The following MAP3K10 variants were observed in gnomAD, a reference collection of about 807,000 sequenced individuals.
The protein encoded by MAP3K10 is mitogen-activated protein kinase kinase kinase 10, also known as MKN28 derived nonreceptor_type serine/threonine kinase.
In MAP3K10, 22 loss-of-function variants were observed where a neutral mutation model predicts 75.0. The ratio of observed to expected loss-of-function variants is 0.29; its 90% CI spans 0.21 to 0.42. MAP3K10 has a LOEUF of 0.42. MAP3K10 is among the 10% of genes least tolerant of loss of function. The pLI, the probability that MAP3K10 is intolerant of heterozygous loss-of-function variation, is 1.00. For synonymous variants in MAP3K10, 599 were observed against 612.9 expected (o/e 0.98, Z 0.34); for missense variants, 1,165 against 1,379.8 (o/e 0.84, Z 2.47).
At position 40,192,045 on chromosome 19, in the gene MAP3K10, A is replaced by AG; in HGVS notation, c.19dup (p.Ala7GlyfsTer126). 1 of 1,437,336 alleles carries AG rather than the reference A, an allele frequency of 7.0e-7. No homozygotes were observed. The allele number at this position is 1,437,336 out of a possible 1,614,324, so 89.0% of individuals were successfully genotyped here. On this transcript the variant is annotated frameshift_variant, in exon 1 of 10. Transcript: ENST00000253055. LOFTEE classifies it high-confidence loss of function. The surrounding 1 kb of genome is among the most constrained non-coding windows in gnomAD (Gnocchi z 7.1). ...GGCCCCTCCCCCATGGAGGAGGAGG[A>AG]GGGGGCGGTGGCCAAGGAGTGGGGC...
chr19:40,195,854 C>T (rs754346172), intron 1 of MAP3K10, among the ~76,000 whole-genome samples: 4 of 152,146 alleles, frequency 2.6e-5, no homozygotes, highest in Non-Finnish European at 5.9e-5. Context: ...GGTGATTTGC[C>T]AATCTCTGCC....
chr19:40,192,036 A>C lies in MAP3K10; in HGVS notation c.5A>C (p.Glu2Ala). M[E>A]EEEGAVAKEW... ...GCAGCCCCCGGCCCCTCCCCCATGG[A>C]GGAGGAGGAGGGGGCGGTGGCCAAG... Residue 2 changes from glutamate to alanine, a missense_variant, in exon 1 of 10, where the codon GAG (glutamate) becomes GCG (alanine). Glu to Ala is a moderately radical substitution (Grantham distance 107). Transcript: ENST00000253055. The surrounding 1 kb of genome is among the most constrained non-coding windows in gnomAD (Gnocchi z 7.1). 7.3e-7 allele frequency: 1 copy of C among 1,376,874 alleles called. No homozygotes were observed. Among genetic ancestry groups the C allele is most frequent in the Non-Finnish European group, 9.5e-7 (1 of 1,055,436 alleles). 85.3% of individuals were successfully genotyped at this position (1,376,874 alleles called of 1,614,324 possible).
Position 40,205,947 on chromosome 19 carries a change from G to A in MAP3K10, c.1225G>A (p.Ala409Thr). ...RSREEELLRA[A>T]QEQRFQEEQL... The stretch of plus-strand genomic sequence containing the variant: ...CCGTGAGGAGGAGCTGCTGCGGGCG[G>A]CACAGGAGCAGCGCTTCCAGGAGGA... The change falls in exon 5 of 10, where the codon GCA becomes ACA. Residue 409 changes from alanine to threonine, a missense_variant. This residue lies in a region of MAP3K10 where 575 missense variants were observed against 793.2 expected (regional missense o/e 0.72). Transcript: ENST00000253055. This position sits in a 1 kb window ranked among gnomAD's most constrained non-coding sequence, Gnocchi z 4.3. 6.3e-7 allele frequency: 1 copy of A among 1,598,178 alleles called. No individual in the cohort carries two copies.
In MAP3K10 at chr19:40,213,738, C is replaced by T; in HGVS notation, c.2059C>T (p.Leu687=). 9.2e-7 allele frequency: 1 copy of T among 1,082,114 alleles called. No individual in the cohort carries two copies. Among genetic ancestry groups the T allele is most frequent in the Non-Finnish European group, 1.1e-6 (1 of 891,008 alleles). 67.0% of individuals were successfully genotyped at this position (1,082,114 alleles called of 1,614,324 possible). ...CGCCACGCTGCTGGGGGCTGTGGGC[C>T]TGGGCGCCGACGTGGCCGAGGCGCG... is the stretch of plus-strand genomic sequence containing the variant. The part of the protein sequence containing the change: ...GCATLLGAVG[L]GADVAEARAA... The change falls in exon 9 of 10, where the codon CTG becomes TTG. Residue 687 remains leucine (L), a synonymous_variant. Transcript: ENST00000253055. This position sits in a 1 kb window ranked among gnomAD's most constrained non-coding sequence, Gnocchi z 5.7.
chr19:40,192,725 C>T lies in MAP3K10; in HGVS notation c.682+12C>T. Reference sequence around the variant, plus strand: ...CAAGTCCATCAACAGTAAGTGGTGTCCTCTCCCCAAAATTCCTTCCACAGA... The same window carrying T: ...CAAGTCCATCAACAGTAAGTGGTGTTCTCTCCCCAAAATTCCTTCCACAGA... On this transcript the variant is annotated intron_variant, in intron 1 of 9. Coordinates refer to ENST00000253055, the MANE Select transcript of MAP3K10 (RefSeq NM_002446.4). The surrounding 1 kb of genome is among the most constrained non-coding windows in gnomAD (Gnocchi z 7.1). 1.3e-6 allele frequency: 2 copies of T among 1,522,296 alleles called. No homozygotes were observed. The highest frequency in any genetic ancestry group is 1.3e-5 in the South Asian group (1 of 77,334). 94.3% of individuals were successfully genotyped at this position (1,522,296 alleles called of 1,614,324 possible). A position where few individuals can be genotyped will look rare whatever the true frequency, so the allele number is the denominator to read the frequency against.
At chr19:40,196,112 C>T (rs1263889491) in intron 1 of MAP3K10, among the ~76,000 whole-genome samples, 2 of 151,986 alleles carry the variant, frequency 1.3e-5, no homozygotes, top group Non-Finnish European at 2.9e-5. Context: ...GGAGAAGTCT[C>T]GGTGTGAAGA....
Position 40,215,338 on chromosome 19 carries a change from C to A in MAP3K10, c.*46C>A. 1 of 1,485,656 alleles carries A rather than the reference C, an allele frequency of 6.7e-7. No homozygotes were observed. Among genetic ancestry groups the A allele is most frequent in the Non-Finnish European group, 9.1e-7 (1 of 1,103,536 alleles). 92.0% of individuals were successfully genotyped at this position (1,485,656 alleles called of 1,614,324 possible). On this transcript the variant is annotated 3_prime_UTR_variant, in exon 10 of 10. Transcript: ENST00000253055. ...CCTGGGCAGCCATGAATGTAGCGCC[C>A]CAGGCCCTGCCCCAGCCCGCCATGC...
intron 2 of MAP3K10, among the ~76,000 whole-genome samples, chr19:40,199,529 G>C (rs1207314154): frequency 1.3e-5 from 2 of 152,174 alleles, no homozygotes; most frequent in African/African-American, 4.8e-5. Flanking sequence ...GTGCTGAGGT[G>C]AGCATGGTGT....
intron 2 of MAP3K10, among the ~76,000 whole-genome samples, chr19:40,203,172 T>G (rs1020858378): frequency 1.3e-5 from 2 of 151,986 alleles, no homozygotes; most frequent in African/African-American, 4.8e-5. Context: ...AAACCCCATC[T>G]CTACTAAAAA....
In MAP3K10 at chr19:40,213,049, G is replaced by T; in HGVS notation, c.1725-27G>T. On this transcript the variant is annotated intron_variant, in intron 7 of 9. Transcript: ENST00000253055. The surrounding 1 kb of genome is among the most constrained non-coding windows in gnomAD (Gnocchi z 5.7). ...CCAGGCTCCAGGCCACAGGACTGAGGTCTCCATCTCTCCCTGGACCCCGCA... is the reference window on the plus strand; with the variant it reads ...CCAGGCTCCAGGCCACAGGACTGAGTTCTCCATCTCTCCCTGGACCCCGCA... 6.2e-7 allele frequency: 1 copy of T among 1,601,752 alleles called. No individual in the cohort carries two copies. Among genetic ancestry groups the T allele is most frequent in the Non-Finnish European group, 8.5e-7 (1 of 1,173,290 alleles).
rs1333223897 is a variant in MAP3K10 at position 40,205,859 on chromosome 19, A to C, written c.1189-52A>C. 11 of 1,460,450 alleles carry C rather than the reference A, an allele frequency of 7.5e-6. No homozygotes were observed. Among genetic ancestry groups the C allele is most frequent in the African/African-American group, 1.4e-5 (1 of 70,416 alleles). 90.5% of individuals were successfully genotyped at this position (1,460,450 alleles called of 1,614,324 possible). On this transcript the variant is annotated intron_variant, in intron 4 of 9. Coordinates refer to ENST00000253055, the MANE Select transcript of MAP3K10 (RefSeq NM_002446.4). This position sits in a 1 kb window ranked among gnomAD's most constrained non-coding sequence, Gnocchi z 4.3. ...ACGCAGCAGCCCTGGGTCCCTCCCCAGGAAGCAGAGCAGCTAAGCCCCTCC... is the reference window on the plus strand; with the variant it reads ...ACGCAGCAGCCCTGGGTCCCTCCCCCGGAAGCAGAGCAGCTAAGCCCCTCC...
At chr19:40,210,645 G>A (rs1172350977) in intron 6 of MAP3K10, among the ~76,000 whole-genome samples, 2 of 151,938 alleles carry the variant, frequency 1.3e-5, no homozygotes. Context: ...AGGTTGCAGT[G>A]AGCCGAGATC....
At chr19:40,193,546 G>A (rs978201579) in intron 1 of MAP3K10, among the ~76,000 whole-genome samples, 3 of 152,184 alleles carry the variant, frequency 2.0e-5, no homozygotes, top group African/African-American at 7.2e-5. Context: ...TTAAGCAGGA[G>A]CCCAGCTGGG....
chr19:40,208,364 T>TTTTA lies in MAP3K10; in HGVS notation c.1436-736_1436-735insATTT, dbSNP rs1324982741. 5.4e-3 allele frequency among the ~76,000 whole-genome samples: 457 copies of TTTTA among 84,926 alleles called. 7 individuals carry two copies. Among genetic ancestry groups the TTTTA allele is most frequent in the South Asian group, 0.046 (132 of 2,876 alleles). 55.7% of individuals were successfully genotyped at this position (84,926 alleles called of 152,430 possible). ...TTCTTTCTTTTTTTTTTTTTTTTTT[T>TTTTA]TTTTTGTATTTTTAGTAGAGACAGG... On this transcript the variant is annotated intron_variant, in intron 5 of 9. Transcript: ENST00000253055.
chr19:40,192,184 G>A lies in MAP3K10; in HGVS notation c.153G>A (p.Ala51=), dbSNP rs772265558. ...DRVQVLSQDC[A]VSGDEGWWTG... ...TCCAGGTGCTTTCCCAAGACTGTGCGGTGTCCGGCGACGAGGGCTGGTGGA... is the reference window on the plus strand; with the variant it reads ...TCCAGGTGCTTTCCCAAGACTGTGCAGTGTCCGGCGACGAGGGCTGGTGGA... Residue 51 remains alanine (A), a synonymous_variant, in exon 1 of 10, where the codon GCG becomes GCA. Coordinates refer to ENST00000253055, the MANE Select transcript of MAP3K10 (RefSeq NM_002446.4). The surrounding 1 kb of genome is among the most constrained non-coding windows in gnomAD (Gnocchi z 7.1). 2 of 1,608,466 alleles carry A rather than the reference G, an allele frequency of 1.2e-6. No homozygotes were observed. Among genetic ancestry groups the A allele is most frequent in the East Asian group, 4.5e-5 (2 of 44,752 alleles).
At position 40,214,002 on chromosome 19, in the gene MAP3K10, T is replaced by TCCCCCCCCCCCCCCC; in HGVS notation, c.2327_2328insCCCCCCCCCCCCCCC (p.Pro778_Ser779insProProProProPro). On this transcript the variant is annotated inframe_insertion, in exon 9 of 10. Coordinates refer to ENST00000253055, the MANE Select transcript of MAP3K10 (RefSeq NM_002446.4). ...TGACGAGGCCGCACCGGCCGCGCCC[T>TCCCCCCCCCCCCCCC]CCCCACCACCCTCCCCGCCCGCGCC... The TCCCCCCCCCCCCCCC allele has an allele frequency of 1.5e-5, 22 of 1,493,624 alleles. No homozygotes were observed. The highest frequency in any genetic ancestry group is 7.4e-5 in the South Asian group (6 of 81,548). 92.5% of individuals were successfully genotyped at this position (1,493,624 alleles called of 1,614,324 possible).
intron 9 of MAP3K10, among the ~76,000 whole-genome samples, chr19:40,214,617 G>T: frequency 6.6e-6 from 1 of 152,298 alleles, no homozygotes; most frequent in Admixed American, 6.5e-5. Flanking sequence ...CTCCTCACCT[G>T]CGTGGTGAGG....
intron 2 of MAP3K10, among the ~76,000 whole-genome samples, chr19:40,201,448 C>T (rs1045159189): frequency 1.3e-5 from 2 of 151,140 alleles, no homozygotes; most frequent in Admixed American, 1.3e-4. Context: ...CCACCTGGGC[C>T]TCCTAAAGTG....
Position 40,198,540 on chromosome 19 carries a change from G to A in MAP3K10, c.848G>A (p.Ser283Asn). ...ATCCGTCTCTCCCTCTTCTCCAAAAGCAGTGATGTCTGGAGGTGCTGAAAG... is the reference window on the plus strand; with the variant it reads ...ATCCGTCTCTCCCTCTTCTCCAAAAACAGTGATGTCTGGAGGTGCTGAAAG... ...EVIRLSLFSK[S>N]SDVWSFGVLL... Residue 283 changes from serine to asparagine, a missense_variant, in exon 2 of 10, where the codon AGC (serine) becomes AAC (asparagine). Around this residue, in one of 2 missense-constraint regions of MAP3K10, gnomAD observed 575 missense variants for 793.2 expected, o/e 0.72. Coordinates refer to ENST00000253055, the MANE Select transcript of MAP3K10 (RefSeq NM_002446.4). The surrounding 1 kb of genome is among the most constrained non-coding windows in gnomAD (Gnocchi z 4.3). 6.2e-7 allele frequency: 1 copy of A among 1,612,814 alleles called. No homozygotes were observed. Among genetic ancestry groups the A allele is most frequent in the Non-Finnish European group, 8.5e-7 (1 of 1,179,122 alleles).
Sources: allele counts gnomAD v4.1 joint callset (sites outside exome capture counted in the v4.1 genomes callset), GRCh38; gene constraint gnomAD v4.1.1; regional missense constraint gnomAD v4.1.1; non-coding constraint Gnocchi (gnomAD v3.1); transcripts MANE v1.5; gene names NCBI Gene and HGNC (gene_info 2026-07-23, HGNC 2026-07-21).